COL4A3: variants seen among roughly 807,000 people sequenced by gnomAD.
The protein encoded by COL4A3 is collagen alpha-3(IV) chain.
A neutral mutation model predicts 217.4 loss-of-function variants in COL4A3; 135 were observed. That is an observed-to-expected ratio of 0.62 (90% CI 0.54 to 0.72). The LOEUF is 0.72. Ranked by LOEUF, COL4A3 falls within the 30% of genes least tolerant of loss-of-function variation. The pLI is 0.00. For missense variants in COL4A3, 1,868 were observed against 2,119.9 expected (o/e 0.88, Z 2.33); for synonymous variants, 690 against 736.3 (o/e 0.94, Z 1.02).
chr2:227,180,886 T>A (rs1183402445), intron 1 of COL4A3, among the ~76,000 whole-genome samples: 2 of 152,240 alleles, frequency 1.3e-5, no homozygotes, highest in East Asian at 1.9e-4. Flanking sequence ...CTGGAATGCA[T>A]TAAGGAGTTT....
Position 227,295,447 on chromosome 2 carries a change from T to A in COL4A3, c.3565+131T>A, listed in dbSNP as rs2106237852. 9.0e-6 allele frequency: 7 copies of A among 781,888 alleles called. No individual in the cohort carries two copies. In the South Asian group the frequency reaches 1.0e-4, roughly 11 times the overall value. 48.4% of individuals were successfully genotyped at this position (781,888 alleles called of 1,614,324 possible). On this transcript the variant is annotated intron_variant, in intron 41 of 51. Transcript: ENST00000396578. ...TTCCAATAGTAATACAGGATATTTA[T>A]CATCTTGGTCTTCAATTTAAAATGT...
intron 1 of COL4A3, among the ~76,000 whole-genome samples, chr2:227,216,677 A>G (rs2067540541): frequency 6.6e-6 from 1 of 152,244 alleles, no homozygotes; most frequent in African/African-American, 2.4e-5. Context: ...TATAAATGCA[A>G]ATAAATATCT....
chr2:227,236,022 C>CA (rs2068678806), intron 1 of COL4A3, among the ~76,000 whole-genome samples: 1 of 152,004 alleles, frequency 6.6e-6, no homozygotes, highest in Non-Finnish European at 1.5e-5. Flanking sequence ...GATCCGCCCC[C>CA]CTGGGCCTCG....
At chr2:227,260,113 T>G (rs1277936511) in intron 19 of COL4A3, 1 of 681,030 alleles carries the variant, frequency 1.5e-6, no homozygotes, top group Admixed American at 1.8e-5. Context: ...AAAGTTCAAA[T>G]CTGTCATGGA....
In COL4A3 at chr2:227,202,743, A is replaced by AT. The variant is rs1559819022; in HGVS notation, c.88-35225_88-35224insT. The stretch of plus-strand genomic sequence containing the variant: ...GTGCGAGAATCCGTCTCTAAAAAAA[A>AT]AAAATATATATATATATATATATAT... On this transcript the variant is annotated intron_variant, in intron 1 of 51. Transcript: ENST00000396578. Among the ~76,000 whole-genome samples, 27 of 27,206 alleles carry AT rather than the reference A, an allele frequency of 9.9e-4. 2 individuals carry two copies. Among genetic ancestry groups the AT allele is most frequent in the Middle Eastern group, 0.024 (2 of 84 alleles). The allele number at this position is 27,206 out of a possible 152,430, so 17.8% of individuals were successfully genotyped here.
chr2:227,279,760 C>T, intron 28 of COL4A3, 33 bp from the exon 29 acceptor site: 1 of 1,425,314 alleles, frequency 7.0e-7, no homozygotes, highest in Non-Finnish European at 9.8e-7. Context: ...TAAGACTAAT[C>T]CTACAACAAT....
At chr2:227,215,150 C>T (rs2067478687) in intron 1 of COL4A3, among the ~76,000 whole-genome samples, 1 of 151,868 alleles carries the variant, frequency 6.6e-6, no homozygotes, top group African/African-American at 2.4e-5. Context: ...CCAGTCTCAT[C>T]ATCATCATTT....
intron 1 of COL4A3, among the ~76,000 whole-genome samples, chr2:227,236,023 C>CCA (rs1559852941): frequency 6.6e-6 from 1 of 152,104 alleles, no homozygotes; most frequent in Non-Finnish European, 1.5e-5. Flanking sequence ...ATCCGCCCCC[C>CCA]TGGGCCTCGC....
At chr2:227,178,193 G>A (rs553613575) in intron 1 of COL4A3, among the ~76,000 whole-genome samples, 52 of 152,044 alleles carry the variant, frequency 3.4e-4, no homozygotes, top group African/African-American at 9.6e-4. Flanking sequence ...GATCAGCCTG[G>A]GTAATACAAT....
intron 25 of COL4A3, 63 bp downstream of exon 25, chr2:227,271,015 G>T (rs2071203084): frequency 1.3e-6 from 2 of 1,554,932 alleles, no homozygotes; most frequent in Non-Finnish European, 1.8e-6. Context: ...GAGATAAAGT[G>T]ATTTCTTTTC....
chr2:227,179,152 T>C (rs2065789619), intron 1 of COL4A3, among the ~76,000 whole-genome samples: 1 of 151,824 alleles, frequency 6.6e-6, no homozygotes, highest in East Asian at 1.9e-4. Flanking sequence ...GGTTTCTCTA[T>C]TTTGCCCAGG....
At chr2:227,295,364 GA>G in intron 41 of COL4A3, 48 bp downstream of exon 41, 1 of 1,520,824 alleles carries the variant, frequency 6.6e-7, no homozygotes, top group Non-Finnish European at 9.1e-7. Context: ...TTCAAGGAGA[GA>G]AAGCAGTTGA....
At chr2:227,261,762 G>A (rs543367409) in intron 20 of COL4A3, among the ~76,000 whole-genome samples, 1 of 152,202 alleles carries the variant, frequency 6.6e-6, no homozygotes. Flanking sequence ...ATGGTAATGA[G>A]GTTGCTTGAA....
intron 1 of COL4A3, among the ~76,000 whole-genome samples, chr2:227,174,748 C>A (rs1235240560): frequency 6.6e-6 from 1 of 152,168 alleles, no homozygotes. Flanking sequence ...CCGAAGTGAT[C>A]CGCTCACCTT....
rs191377123 is a variant in COL4A3 at position 227,266,096 on chromosome 2, T to C, written c.1316-321T>C. Among the ~76,000 whole-genome samples, 12 of 152,104 alleles carry C rather than the reference T, an allele frequency of 7.9e-5. No homozygotes were observed. In the East Asian group the frequency reaches 2.3e-3, roughly 29 times the overall value. ...GGGATTATAGAACTACAATTCAAGA[T>C]GAGATTTGGGACACAGCCAAACCAT... On this transcript the variant is annotated intron_variant, in intron 21 of 51. Transcript: ENST00000396578.
At chr2:227,211,624 T>G (rs2067324478) in intron 1 of COL4A3, among the ~76,000 whole-genome samples, 1 of 148,796 alleles carries the variant, frequency 6.7e-6, no homozygotes, top group Admixed American at 6.7e-5. Context: ...TTGCCTTCAC[T>G]AACATTTGGT....
At chr2:227,260,080 A>C (rs1302409985) in intron 19 of COL4A3, 1 of 735,460 alleles carries the variant, frequency 1.4e-6, no homozygotes, top group Non-Finnish European at 2.5e-6. Flanking sequence ...AGGTAATTAA[A>C]TTATCTTTAT....
chr2:227,261,136 G>A lies in COL4A3; in HGVS notation c.1150+19G>A. The A allele has an allele frequency of 6.2e-7, 1 of 1,604,184 alleles. No homozygotes were observed. Among genetic ancestry groups the A allele is most frequent in the Non-Finnish European group, 8.5e-7 (1 of 1,171,486 alleles). ...AGTCCTGGTATGTCCATGTTTCTTG[G>A]GGTACAAATAGAAATGCTATTACAA... On this transcript the variant is annotated intron_variant, in intron 20 of 51. Transcript: ENST00000396578.
chr2:227,233,163 A>G (rs6751729), intron 1 of COL4A3, among the ~76,000 whole-genome samples: 49,310 of 151,874 alleles, frequency 0.32, 8,421 homozygotes, highest in Non-Finnish European at 0.36. Context: ...ACAGGCATGC[A>G]CCACCAAACC....
Sources: gnomAD v4.1 joint callset for allele counts (sites outside exome capture counted in the v4.1 genomes callset) on GRCh38, gnomAD v4.1.1 for gene constraint, MANE v1.5 for transcripts, NCBI Gene and HGNC (gene_info 2026-07-23, HGNC 2026-07-21) for gene names.